The following KCNN2 variants were observed in gnomAD, a reference collection of about 807,000 sequenced individuals.
The protein encoded by KCNN2 is small conductance calcium-activated potassium channel protein 2.
A neutral mutation model predicts 55.5 loss-of-function variants in KCNN2; 24 were observed. The observed-to-expected ratio is 0.43, with a 90% CI of 0.31 to 0.61. The LOEUF (loss-of-function observed/expected upper bound fraction) is 0.61, where lower values mean the gene tolerates loss of function less well. Among genes scored for constraint, KCNN2 ranks in the 20% least tolerant of loss-of-function variants. KCNN2 has a pLI of 0.08. For synonymous variants in KCNN2, 431 were observed against 336.1 expected, an observed-to-expected ratio of 1.28 and a Z score of -3.09; for missense variants, 754 against 853.6, an observed-to-expected ratio of 0.88 and a Z score of 1.45.
intron 2 of KCNN2, among the ~76,000 whole-genome samples, chr5:114,353,822 G>A (rs1757253636): frequency 6.6e-6 from 1 of 151,854 alleles, no homozygotes; most frequent in South Asian, 2.1e-4. Flanking sequence ...TCTTATTGGT[G>A]CTCTCCTGTA....
At chr5:114,129,582 C>G (rs1752008656) in intron 1 of KCNN2, among the ~76,000 whole-genome samples, 1 of 152,222 alleles carries the variant, frequency 6.6e-6, no homozygotes, top group South Asian at 2.1e-4. Flanking sequence ...CTTAACTCTT[C>G]TGTAACTTCA....
chr5:114,362,936 C>G lies in KCNN2; in HGVS notation c.797C>G (p.Ala266Gly), dbSNP rs767906519. Residue 266 changes from alanine (A) to glycine (G), a missense_variant, in exon 1 of 8, where the codon GCC (alanine) becomes GGC (glycine). By Grantham distance (60) the Ala-to-Gly change is moderately conservative (BLOSUM62 0). Transcript: ENST00000673685. ...GGASSPSAAAAAAAAVSSSAP... is the reference protein window; with the variant it reads ...GGASSPSAAAGAAAAVSSSAP... ...GCGTCCTCCCCGTCTGCAGCCGCTG[C>G]CGCCGCCGCCGCTGTTTCGTCCTCA... is the stretch of plus-strand genomic sequence containing the variant. The G allele has an allele frequency of 9.7e-6, 15 of 1,546,712 alleles. No homozygotes were observed. The South Asian group carries it at 1.7e-4, about 18-fold the overall frequency.
Position 114,290,565 on chromosome 5 carries a change from T to G in KCNN2, c.-185+69000T>G, listed in dbSNP as rs545733151. On this transcript the variant is annotated intron_variant, in intron 2 of 10. Coordinates refer to the KCNN2 transcript ENST00000512097. ...ACTTTTGTTTCATTTATTTTCTTCA[T>G]TATTTTTCTTGTCACTATTCTCTAA... Among the ~76,000 whole-genome samples, 5 of 152,204 alleles carry G rather than the reference T, an allele frequency of 3.3e-5. No homozygotes were observed. The South Asian group carries it at 1.0e-3, about 32-fold the overall frequency.
At chr5:114,079,999 C>T (rs1257277317) in intron 1 of KCNN2, among the ~76,000 whole-genome samples, 1 of 152,038 alleles carries the variant, frequency 6.6e-6, no homozygotes, top group African/African-American at 2.4e-5. Context: ...CTCTTACTCT[C>T]CTGAGTTTCA....
At chr5:114,370,718 A>G (rs1757737867) in intron 2 of KCNN2, among the ~76,000 whole-genome samples, 1 of 152,216 alleles carries the variant, frequency 6.6e-6, no homozygotes, top group African/African-American at 2.4e-5. Flanking sequence ...ATAGCATAGC[A>G]TAGGCCAAGC....
intron 3 of KCNN2, among the ~76,000 whole-genome samples, chr5:114,432,962 C>T (rs1474582130): frequency 6.6e-6 from 1 of 152,310 alleles, no homozygotes; most frequent in South Asian, 2.1e-4. Context: ...CTGAACCTCC[C>T]ACCCCCTCCA....
Position 114,091,231 on chromosome 5 carries a change from C to G in KCNN2, c.-271+34731C>G, listed in dbSNP as rs148527906. ...TGGTGGTCAGTCAAAATTAACCACC[C>G]TCCCCTTCCACTTCAGTGGCTGGTT... On this transcript the variant is annotated intron_variant, in intron 1 of 10. Coordinates refer to the KCNN2 transcript ENST00000512097. Among the ~76,000 whole-genome samples, 808 of 152,244 alleles carry G rather than the reference C, an allele frequency of 5.3e-3. 4 individuals carry two copies. Among genetic ancestry groups the G allele is most frequent in the Non-Finnish European group, 8.8e-3 (596 of 68,018 alleles).
intron 2 of KCNN2, among the ~76,000 whole-genome samples, chr5:114,283,675 C>T (rs563936067): frequency 1.3e-5 from 2 of 152,190 alleles, no homozygotes; most frequent in South Asian, 4.2e-4. Context: ...ATACCTTCTT[C>T]CAGATATTTG....
intron 2 of KCNN2, among the ~76,000 whole-genome samples, chr5:114,350,825 T>A (rs991161458): frequency 2.0e-5 from 3 of 151,914 alleles, no homozygotes; most frequent in African/African-American, 7.2e-5. Flanking sequence ...CATATCTATG[T>A]TATGCCATTA....
intron 1 of KCNN2, among the ~76,000 whole-genome samples, chr5:114,152,977 G>A (rs1018790307): frequency 3.3e-5 from 5 of 152,122 alleles, no homozygotes; most frequent in Admixed American, 3.3e-4. Context: ...AACAAGGCTG[G>A]TGATAATAGT....
chr5:114,208,876 C>T (rs1753823595), intron 1 of KCNN2, among the ~76,000 whole-genome samples: 1 of 152,182 alleles, frequency 6.6e-6, no homozygotes, highest in Non-Finnish European at 1.5e-5. Flanking sequence ...ACAACATCTT[C>T]TCTCAACTAC....
At chr5:114,104,606 C>G (rs1751441449) in intron 1 of KCNN2, among the ~76,000 whole-genome samples, 1 of 151,970 alleles carries the variant, frequency 6.6e-6, no homozygotes, top group African/African-American at 2.4e-5. Flanking sequence ...GTTGACAAGA[C>G]AAGTTCTAGA....
Position 114,314,788 on chromosome 5 carries a change from T to C in KCNN2, c.-184-46157T>C, listed in dbSNP as rs538362172. Among the ~76,000 whole-genome samples, 166 of 152,270 alleles carry C rather than the reference T, an allele frequency of 1.1e-3. 2 individuals are homozygous for C. The highest frequency in any genetic ancestry group is 1.6e-3 in the Non-Finnish European group (112 of 68,002). ...ACTCACTTGCCAAGTGACTCCTTCT[T>C]GCACATTACACTTTGAAGCATAAGA... On this transcript the variant is annotated intron_variant, in intron 2 of 10. Transcript: ENST00000512097.
At chr5:114,160,761 G>A (rs1752756423) in intron 1 of KCNN2, among the ~76,000 whole-genome samples, 1 of 152,068 alleles carries the variant, frequency 6.6e-6, no homozygotes, top group South Asian at 2.1e-4. Flanking sequence ...TTATGTAATG[G>A]CCTTCTTTGT....
At chr5:114,333,065 G>T (rs892520817) in intron 2 of KCNN2, among the ~76,000 whole-genome samples, 1 of 152,086 alleles carries the variant, frequency 6.6e-6, no homozygotes, top group Non-Finnish European at 1.5e-5. Context: ...ATGTTTATTT[G>T]GCAACATACA....
intron 2 of KCNN2, among the ~76,000 whole-genome samples, chr5:114,374,897 G>T (rs1205856031): frequency 6.6e-6 from 1 of 152,122 alleles, no homozygotes; most frequent in East Asian, 1.9e-4. Flanking sequence ...TTTAAGATGG[G>T]ATTGTTTCCA....
At chr5:114,354,977 G>T (rs527426373) in intron 2 of KCNN2, among the ~76,000 whole-genome samples, 1 of 152,304 alleles carries the variant, frequency 6.6e-6, no homozygotes, top group Admixed American at 6.5e-5. Context: ...TTGCTTAGAA[G>T]ATAAATATGA....
At chr5:114,405,750 G>A (rs1050087254) in intron 3 of KCNN2, among the ~76,000 whole-genome samples, 9 of 150,042 alleles carry the variant, frequency 6.0e-5, no homozygotes, top group African/African-American at 2.2e-4. Context: ...TCGCTCTGTC[G>A]CCCAGGCTAG....
At chr5:114,277,921 CT>C (rs981824756) in intron 2 of KCNN2, among the ~76,000 whole-genome samples, 6 of 151,604 alleles carry the variant, frequency 4.0e-5, no homozygotes, top group African/African-American at 1.5e-4. Context: ...AAAAGGCATT[CT>C]GGTTTTTGGA....
Sources: gnomAD v4.1 joint callset for allele counts (sites outside exome capture counted in the v4.1 genomes callset) on GRCh38, gnomAD v4.1.1 for gene constraint, MANE v1.5 for transcripts, NCBI Gene and HGNC (gene_info 2026-07-23, HGNC 2026-07-21) for gene names.